The following PRDM16 variants were observed in gnomAD, a reference collection of about 807,000 sequenced individuals.
PRDM16 encodes histone-lysine N-methyltransferase PRDM16.
PRDM16 carries 23 observed loss-of-function variants against 110.6 expected under a neutral mutation model. That is an observed-to-expected ratio of 0.21 (90% CI 0.15 to 0.29). The LOEUF (loss-of-function observed/expected upper bound fraction) is 0.29. Among genes scored for constraint, PRDM16 ranks in the 10% least tolerant of loss-of-function variants. PRDM16 has a pLI of 1.00. For synonymous variants in PRDM16, 799 were observed against 781.8 expected, an observed-to-expected ratio of 1.02 and a Z score of -0.37; for missense variants, 1,615 against 1,794.3, an observed-to-expected ratio of 0.90 and a Z score of 1.81.
At chr1:3,321,406 G>C (rs1230200960) in intron 3 of PRDM16, among the ~76,000 whole-genome samples, 2 of 151,728 alleles carry the variant, frequency 1.3e-5, no homozygotes, top group African/African-American at 2.4e-5. Context: ...GTGTGCATTT[G>C]TGAGTGTATG....
At position 3,180,808 on chromosome 1, in the gene PRDM16, G is replaced by A. The variant is rs148093071; in HGVS notation, c.38-5317G>A. On this transcript the variant is annotated intron_variant, in intron 1 of 16. Transcript: ENST00000270722. ...GCTGGGGTCAGCTGAGGTTGCCCTG[G>A]ACACCTTTTCAGGTTCCCAACAGGG... Among the ~76,000 whole-genome samples the A allele has an allele frequency of 1.4e-3, 198 of 145,816 alleles. 1 individual carries two copies. Among genetic ancestry groups the A allele is most frequent in the South Asian group, 2.9e-3 (13 of 4,528 alleles).
chr1:3,383,185 G>A (rs1279447367), intron 3 of PRDM16, among the ~76,000 whole-genome samples: 8 of 152,342 alleles, frequency 5.3e-5, no homozygotes, highest in South Asian at 4.1e-4. Flanking sequence ...TGCCGCTGCC[G>A]TCTCTGAAAT....
At chr1:3,313,060 A>G (rs1451225236) in intron 3 of PRDM16, among the ~76,000 whole-genome samples, 1 of 152,238 alleles carries the variant, frequency 6.6e-6, no homozygotes, top group Non-Finnish European at 1.5e-5. Flanking sequence ...ACACAGGCAC[A>G]GGCACCGTGT....
rs899492154 is a variant in PRDM16, at chr1:3,350,311, G to A, written c.439-34841G>A. Among the ~76,000 whole-genome samples the A allele has an allele frequency of 1.3e-5, 2 of 152,190 alleles. No individual in the cohort carries two copies. Among genetic ancestry groups the A allele is most frequent in the Non-Finnish European group, 2.9e-5 (2 of 68,038 alleles). On this transcript the variant is annotated intron_variant, in intron 3 of 16. Coordinates refer to ENST00000270722, the MANE Select transcript of PRDM16 (RefSeq NM_022114.4). This position sits in a 1 kb window ranked among gnomAD's most constrained non-coding sequence, Gnocchi z 7.1. ...ACTATACTCCAGCCTGGGCGAGAGA[G>A]TGAGACCCTGTCTCAAAAAAATGAA...
chr1:3,144,756 G>T (rs74050131), intron 1 of PRDM16, among the ~76,000 whole-genome samples: 2 of 152,190 alleles, frequency 1.3e-5, no homozygotes, highest in African/African-American at 4.8e-5. Context: ...CCAGTAAAGG[G>T]CTCTTTCTTT....
intron 2 of PRDM16, chr1:3,207,807 G>A (rs1019512291): frequency 2.0e-5 from 3 of 152,266 alleles, no homozygotes; most frequent in East Asian, 1.9e-4. Flanking sequence ...CCAGAGTTTC[G>A]AGTGTGAAAT....
intron 2 of PRDM16, among the ~76,000 whole-genome samples, chr1:3,219,890 C>T (rs1023368363): frequency 6.6e-6 from 1 of 152,192 alleles, no homozygotes; most frequent in African/African-American, 2.4e-5. Context: ...GGCATGAGGT[C>T]CCCCGGATCC....
intron 1 of PRDM16, among the ~76,000 whole-genome samples, chr1:3,111,578 G>A (rs1412592880): frequency 6.9e-6 from 1 of 144,212 alleles, no homozygotes; most frequent in Non-Finnish European, 1.5e-5. Context: ...GGAAGGGGAA[G>A]AGGGAGGAGG....
At chr1:3,146,519 G>T (rs148492460) in intron 1 of PRDM16, among the ~76,000 whole-genome samples, 1 of 147,408 alleles carries the variant, frequency 6.8e-6, no homozygotes, top group Non-Finnish European at 1.5e-5. Flanking sequence ...GTGTGTGCTC[G>T]GTGTGGGGTG....
At chr1:3,319,221 A>T (rs1641684605) in intron 3 of PRDM16, among the ~76,000 whole-genome samples, 1 of 152,126 alleles carries the variant, frequency 6.6e-6, no homozygotes, top group African/African-American at 2.4e-5. Context: ...ATGGGGAGCT[A>T]GGAGAGGGCT....
At position 3,256,212 on chromosome 1, in the gene PRDM16, C is replaced by CTCCA. The variant is rs1274751550; in HGVS notation, c.438+12075_438+12076insTCCA. On this transcript the variant is annotated intron_variant, in intron 3 of 16. Transcript: ENST00000270722. Reference sequence around the variant, plus strand: ...ATGCTCCATGCCTCCAACTCCATGGCACTCCAGACAAAGCAACACTGTAGA... The same window carrying CTCCA: ...ATGCTCCATGCCTCCAACTCCATGGCTCCAACTCCAGACAAAGCAACACTGTAGA... 3.3e-5 allele frequency among the ~76,000 whole-genome samples: 5 copies of CTCCA among 152,166 alleles called. No homozygotes were observed. The East Asian group carries it at 7.7e-4, about 23-fold the overall frequency.
At chr1:3,348,785 G>C (rs1018577024) in intron 3 of PRDM16, among the ~76,000 whole-genome samples, 8 of 152,174 alleles carry the variant, frequency 5.3e-5, no homozygotes, top group Non-Finnish European at 1.0e-4. Context: ...TGGGGGCCCT[G>C]GGGCTCACCC....
intron 1 of PRDM16, among the ~76,000 whole-genome samples, chr1:3,181,926 G>C (rs973698689): frequency 2.0e-5 from 3 of 148,038 alleles, no homozygotes; most frequent in African/African-American, 7.4e-5. Context: ...TCTTACACAT[G>C]GTCTTACACA....
Position 3,080,356 on chromosome 1 carries a change from C to T in PRDM16, c.37+11060C>T, listed in dbSNP as rs1438972916. On this transcript the variant is annotated intron_variant, in intron 1 of 16. Coordinates refer to ENST00000270722, the MANE Select transcript of PRDM16 (RefSeq NM_022114.4). The surrounding 1 kb of genome is among the most constrained non-coding windows in gnomAD (Gnocchi z 5.2). Reference sequence around the variant, plus strand: ...GACTGACAGAATACAAATGGTGCCACGAAGCACCGGGGATTTACGGCCGAC... The same window carrying T: ...GACTGACAGAATACAAATGGTGCCATGAAGCACCGGGGATTTACGGCCGAC... Among the ~76,000 whole-genome samples the T allele has an allele frequency of 1.3e-5, 2 of 152,204 alleles. No homozygotes were observed. Among genetic ancestry groups the T allele is most frequent in the Non-Finnish European group, 2.9e-5 (2 of 68,040 alleles).
intron 1 of PRDM16, among the ~76,000 whole-genome samples, chr1:3,108,401 A>C (rs1349966898): frequency 6.6e-6 from 1 of 152,202 alleles, no homozygotes; most frequent in East Asian, 1.9e-4. Context: ...ATGTAGGGGA[A>C]GTATTCACCT....
At chr1:3,130,872 C>G (rs1345468193) in intron 1 of PRDM16, among the ~76,000 whole-genome samples, 1 of 151,972 alleles carries the variant, frequency 6.6e-6, no homozygotes, top group Non-Finnish European at 1.5e-5. Context: ...GACCCACCAG[C>G]CCTTGCTCTA....
At chr1:3,089,853 C>T (rs1005941969) in intron 1 of PRDM16, among the ~76,000 whole-genome samples, 3 of 152,206 alleles carry the variant, frequency 2.0e-5, no homozygotes, top group Admixed American at 1.3e-4. Flanking sequence ...TTCCTCCGGC[C>T]GACCGACACC....
At chr1:3,380,026 A>C (rs1274852197) in intron 3 of PRDM16, among the ~76,000 whole-genome samples, 4 of 56,956 alleles carry the variant, frequency 7.0e-5, no homozygotes, top group Non-Finnish European at 1.0e-4. Flanking sequence ...GCAATCCCTC[A>C]CCATGCACCC....
In PRDM16 at chr1:3,402,816, G is replaced by A. The variant is rs770236703; in HGVS notation, c.702G>A (p.Glu234=). 6.2e-7 allele frequency: 1 copy of A among 1,612,598 alleles called. No homozygotes were observed. Among genetic ancestry groups the A allele is most frequent in the Non-Finnish European group, 8.5e-7 (1 of 1,179,548 alleles). The change falls in exon 6 of 17, where the codon GAG becomes GAA. Residue 234 remains glutamate (E), a synonymous_variant. Coordinates refer to ENST00000270722, the MANE Select transcript of PRDM16 (RefSeq NM_022114.4). ...AGGAGCCCACGTTCCGCTGTGACGA[G>A]TGTGACGAACTCTTCCAGTCCAAGC... ...LDEEPTFRCD[E]CDELFQSKLD...
Sources: allele counts gnomAD v4.1 joint callset (sites outside exome capture counted in the v4.1 genomes callset), GRCh38; gene constraint gnomAD v4.1.1; non-coding constraint Gnocchi (gnomAD v3.1); transcripts MANE v1.5; gene names NCBI Gene and HGNC (gene_info 2026-07-23, HGNC 2026-07-21).